The following XYLB variants were observed in gnomAD, a reference collection of about 807,000 sequenced individuals.
XYLB encodes the protein xylulose kinase.
In XYLB, 62 loss-of-function variants were observed where a neutral mutation model predicts 78.7. That is an observed-to-expected ratio of 0.79 (90% CI 0.64 to 0.97). The LOEUF (loss-of-function observed/expected upper bound fraction) is 0.97. Among genes scored for constraint, XYLB ranks in the 50% least tolerant of loss-of-function variants. The probability of loss-of-function intolerance (pLI) is 0.00; values close to 1 mark genes in which losing one functional copy is unlikely to be tolerated. For missense variants in XYLB, 687 were observed against 676.8 expected (o/e 1.02, Z -0.17); for synonymous variants, 245 against 247.4 (o/e 0.99, Z 0.09).
At chr3:38,406,481 C>T (rs1708327155) in intron 18 of XYLB, among the ~76,000 whole-genome samples, 1 of 152,248 alleles carries the variant, frequency 6.6e-6, no homozygotes, top group Non-Finnish European at 1.5e-5. Context: ...CAGAGCGCCT[C>T]TCCTCCTCCA....
chr3:38,450,596 C>G, the XYLB span, among the ~76,000 whole-genome samples: 2 of 152,152 alleles, frequency 1.3e-5, no homozygotes, highest in African/African-American at 4.8e-5. Context: ...CACCCGATGT[C>G]TGATACCAAA....
the XYLB span, among the ~76,000 whole-genome samples, chr3:38,443,176 AAC>A: frequency 8.5e-5 from 13 of 152,176 alleles, no homozygotes; most frequent in African/African-American, 3.1e-4. Context: ...GCAGGAGATT[AAC>A]ACTGAGAGGG....
chr3:38,412,407 A>C (rs932836638), intron 18 of XYLB, among the ~76,000 whole-genome samples: 2 of 151,754 alleles, frequency 1.3e-5, no homozygotes, highest in Non-Finnish European at 2.9e-5. Context: ...TGAGAGGAGC[A>C]CCTCCTGCCA....
chr3:38,437,166 A>T, the XYLB span, among the ~76,000 whole-genome samples: 9 of 152,084 alleles, frequency 5.9e-5, no homozygotes, highest in African/African-American at 2.2e-4. Flanking sequence ...AAGGACAAAA[A>T]CTGTATGATG....
Position 38,360,426 on chromosome 3 carries a change from T to C in XYLB, c.210+18T>C. 1 of 1,568,906 alleles carries C rather than the reference T, an allele frequency of 6.4e-7. No individual in the cohort carries two copies. Among genetic ancestry groups the C allele is most frequent in the Non-Finnish European group, 8.6e-7 (1 of 1,156,790 alleles). On this transcript the variant is annotated intron_variant, in intron 3 of 18. Transcript: ENST00000207870. ...GGGTCCAGGTAAGCGCAGGGATTCC[T>C]ATTCTCCTTCTATCCCCAGGCTGTC...
Position 38,366,811 on chromosome 3 carries a change from T to TTGG in XYLB, c.512_513insGGT (p.Phe171delinsLeuVal). On this transcript the variant is annotated protein_altering_variant, in exon 7 of 19. Transcript: ENST00000207870. ...AGAATTTATATTCCTTTTCCAGCGT[T>TTGG]TTACAGGGAACCAAATTGCAAAAAT... is the stretch of plus-strand genomic sequence containing the variant. 1 of 1,611,694 alleles carries TTGG rather than the reference T, an allele frequency of 6.2e-7. No individual in the cohort carries two copies. The highest frequency in any genetic ancestry group is 8.5e-7 in the Non-Finnish European group (1 of 1,177,796).
chr3:38,375,051 G>A (rs1575488988), intron 11 of XYLB, 93 bp from the exon 12 acceptor site: 2 of 978,786 alleles, frequency 2.0e-6, no homozygotes, highest in East Asian at 2.6e-5. Context: ...TGAAGTGACA[G>A]GGTTAAGGTG....
In XYLB at chr3:38,370,175, G is replaced by A. The variant is rs754073174; in HGVS notation, c.765+1G>A. 1.2e-6 allele frequency: 2 copies of A among 1,609,322 alleles called. No homozygotes were observed. Among genetic ancestry groups the A allele is most frequent in the Admixed American group, 1.7e-5 (1 of 59,712 alleles). On this transcript the variant is annotated splice_donor_variant, in intron 9 of 18. Transcript: ENST00000207870. LOFTEE classifies it high-confidence loss of function. ...ACCAGTACCATCATGCTCAGTTGTGGTAGGTCTCCTTTCTGGTGATGTGGC... is the reference window on the plus strand; with the variant it reads ...ACCAGTACCATCATGCTCAGTTGTGATAGGTCTCCTTTCTGGTGATGTGGC...
At chr3:38,390,712 A>G (rs1342908938) in intron 15 of XYLB, among the ~76,000 whole-genome samples, 1 of 152,090 alleles carries the variant, frequency 6.6e-6, no homozygotes, top group Non-Finnish European at 1.5e-5. Flanking sequence ...TTGTAGGGAC[A>G]GAATCTTTGT....
chr3:38,376,961 A>C lies in XYLB; in HGVS notation c.1164A>C (p.Gly388=). ...DVMEITPEII[G]RHRFNTENHK... ...TGGAGATCACCCCTGAAATTATTGG[A>C]CGTCATAGGTTTAACACAGAAAACC... The change falls in exon 14 of 19, where the codon GGA becomes GGC. Residue 388 remains glycine (G), a synonymous_variant. Coordinates refer to ENST00000207870, the MANE Select transcript of XYLB (RefSeq NM_005108.4). 1 of 1,614,010 alleles carries C rather than the reference A, an allele frequency of 6.2e-7. No homozygotes were observed. Among genetic ancestry groups the C allele is most frequent in the Non-Finnish European group, 8.5e-7 (1 of 1,179,990 alleles).
intron 18 of XYLB, among the ~76,000 whole-genome samples, chr3:38,406,622 T>C (rs1708333466): frequency 6.6e-6 from 1 of 152,180 alleles, no homozygotes; most frequent in South Asian, 2.1e-4. Context: ...GGCAAAGAAG[T>C]TAAAAACTTT....
Position 38,400,991 on chromosome 3 carries a change from A to G in XYLB, c.1533+6A>G. ...CAAGCCCGGGAGCTTCTCAGGTGAG[A>G]GACCATCGGAATTTGTTTGTAGCAT... On this transcript the variant is annotated splice_donor_region_variant and intron_variant, in intron 18 of 18. Transcript: ENST00000207870. The G allele has an allele frequency of 6.2e-7, 1 of 1,613,838 alleles. No homozygotes were observed.
At chr3:38,358,309 T>TTGTGTGTG (rs780269094) in intron 2 of XYLB, among the ~76,000 whole-genome samples, 55 of 54,950 alleles carry the variant, frequency 1.0e-3, no homozygotes, top group African/African-American at 2.9e-3. Flanking sequence ...CAGTTTTGTT[T>TTGTGTGTG]TGTGTGTGTG....
rs189756743 is a variant in XYLB at position 38,355,822 on chromosome 3, C to A, written c.141-4517C>A. The A allele has an allele frequency of 1.5e-4, 105 of 703,018 alleles. No individual in the cohort carries two copies. The African/African-American group carries it at 1.7e-3, about 11-fold the overall frequency. 43.5% of individuals were successfully genotyped at this position (703,018 alleles called of 1,614,324 possible). A position where few individuals can be genotyped will look rare whatever the true frequency, so the allele number is the denominator to read the frequency against. On this transcript the variant is annotated intron_variant, in intron 2 of 18. Coordinates refer to ENST00000207870, the MANE Select transcript of XYLB (RefSeq NM_005108.4). Reference sequence around the variant, plus strand: ...GAATGACTGCATGGAGCAGAACTCCCCACTCCCCACTCATGTTCCTAACCA... The same window carrying A: ...GAATGACTGCATGGAGCAGAACTCCACACTCCCCACTCATGTTCCTAACCA...
intron 2 of XYLB, among the ~76,000 whole-genome samples, chr3:38,352,050 C>T (rs147977972): frequency 6.6e-6 from 1 of 152,244 alleles, no homozygotes; most frequent in East Asian, 1.9e-4. Context: ...AGTACAGTGG[C>T]TGAGTTATAC....
chr3:38,367,784 G>T (rs560658628), intron 7 of XYLB, among the ~76,000 whole-genome samples: 1 of 152,198 alleles, frequency 6.6e-6, no homozygotes, highest in African/African-American at 2.4e-5. Flanking sequence ...GTCCTGGTTG[G>T]TTCTGAGGCC....
At chr3:38,401,167 A>G (rs1708111432) in intron 18 of XYLB, 182 bp downstream of exon 18, 1 of 609,084 alleles carries the variant, frequency 1.6e-6, no homozygotes, top group Non-Finnish European at 2.9e-6. Flanking sequence ...CAAGTCACAG[A>G]TACTGCTGAT....
chr3:38,392,368 G>A (rs1266272372), intron 15 of XYLB, among the ~76,000 whole-genome samples: 1 of 152,114 alleles, frequency 6.6e-6, no homozygotes, highest in Non-Finnish European at 1.5e-5. Context: ...GCGCGATCTC[G>A]GCTCACTGCA....
At chr3:38,374,556 C>T in intron 11 of XYLB, 54 bp downstream of exon 11, 1 of 1,611,538 alleles carries the variant, frequency 6.2e-7, no homozygotes, top group Non-Finnish European at 8.5e-7. Context: ...CTCACACCCA[C>T]ACTCTGATAA....
Sources: allele counts gnomAD v4.1 joint callset (sites outside exome capture counted in the v4.1 genomes callset), GRCh38; gene constraint gnomAD v4.1.1; transcripts MANE v1.5; gene names NCBI Gene and HGNC (gene_info 2026-07-23, HGNC 2026-07-21).